The following CDAN1 variants were observed in gnomAD, a reference collection of about 807,000 sequenced individuals.
CDAN1 encodes the protein codanin 1, also known as codanin-1.
A neutral mutation model predicts 139.8 loss-of-function variants in CDAN1; 107 were observed. The observed-to-expected ratio is 0.77, with a 90% confidence interval of 0.65 to 0.90. CDAN1 has a LOEUF of 0.90. Among genes scored for constraint, CDAN1 ranks in the 40% least tolerant of loss-of-function variants. The probability of loss-of-function intolerance (pLI) is 0.00; values close to 1 mark genes in which losing one functional copy is unlikely to be tolerated. For synonymous variants in CDAN1, 776 were observed against 660.6 expected, an observed-to-expected ratio of 1.17 and a Z score of -2.68; for missense variants, 1,667 against 1,575.7, an observed-to-expected ratio of 1.06 and a Z score of -0.98.
Position 42,736,454 on chromosome 15 carries a change from C to T in CDAN1, c.417G>A (p.Gly139=). ...RERGGRGLEE[G]VSGESLPGAG... ...CTCCGGGCAGGCTCTCCCCGCTGAC[C>T]CCCTCCTCCAGGCCGCGGCCTCCAC... Residue 139 remains glycine (G), a synonymous_variant, in exon 2 of 28, where the codon GGG becomes GGA. Coordinates refer to ENST00000356231, the MANE Select transcript of CDAN1 (RefSeq NM_138477.4). 6.4e-7 allele frequency: 1 copy of T among 1,561,176 alleles called. No individual in the cohort carries two copies. Among genetic ancestry groups the T allele is most frequent in the South Asian group, 1.2e-5 (1 of 86,084 alleles).
chr15:42,724,420 A>G lies in CDAN1; in HGVS notation c.*71T>C, dbSNP rs1420951181. The G allele has an allele frequency of 6.5e-7, 1 of 1,543,710 alleles. No homozygotes were observed. The highest frequency in any genetic ancestry group is 2.4e-5 in the East Asian group (1 of 41,032). On this transcript the variant is annotated 3_prime_UTR_variant, in exon 28 of 28. Transcript: ENST00000356231. Reference sequence around the variant, plus strand: ...CAACCAGTGAGGGTCTGCATTGGGCACTTGGGCCTCCTCGTGAGGCGGGGG... The same window carrying G: ...CAACCAGTGAGGGTCTGCATTGGGCGCTTGGGCCTCCTCGTGAGGCGGGGG...
intron 23 of CDAN1, among the ~76,000 whole-genome samples, chr15:42,727,407 G>T (rs2061542831): frequency 6.6e-6 from 1 of 152,180 alleles, no homozygotes; most frequent in Non-Finnish European, 1.5e-5. Context: ...TCCCCTTTTG[G>T]ATGATTAAAA....
chr15:42,735,350 A>G lies in CDAN1; in HGVS notation c.968T>C (p.Leu323Ser). ...GAGCTGAAAGACGAAGAAAAGCTCCAAGAAGAGGTTTGGTACCAGGTTCTC... is the reference window on the plus strand; with the variant it reads ...GAGCTGAAAGACGAAGAAAAGCTCCGAGAAGAGGTTTGGTACCAGGTTCTC... ...IAENLVPNLF[L>S]ELFFVFQLLT... is the part of the protein sequence containing the mutation. The change falls in exon 5 of 28, where the codon TTG becomes TCG. Residue 323 changes from leucine (L) to serine (S), a missense_variant. By Grantham distance (145) the Leu-to-Ser change is moderately radical. Around this residue, in one of 3 missense-constraint regions of CDAN1, gnomAD observed 244 missense variants for 309.4 expected, o/e 0.79. Transcript: ENST00000356231. 6.2e-7 allele frequency: 1 copy of G among 1,608,282 alleles called. No homozygotes were observed. The highest frequency in any genetic ancestry group is 1.1e-5 in the South Asian group (1 of 89,752).
chr15:42,724,429 T>G lies in CDAN1; in HGVS notation c.*62A>C. 17 of 1,551,362 alleles carry G rather than the reference T, an allele frequency of 1.1e-5. No individual in the cohort carries two copies. Among genetic ancestry groups the G allele is most frequent in the Non-Finnish European group, 1.4e-5 (16 of 1,148,358 alleles). On this transcript the variant is annotated 3_prime_UTR_variant, in exon 28 of 28. Coordinates refer to ENST00000356231, the MANE Select transcript of CDAN1 (RefSeq NM_138477.4). The stretch of plus-strand genomic sequence containing the variant: ...AGGGTCTGCATTGGGCACTTGGGCC[T>G]CCTCGTGAGGCGGGGGTCCAGGGTT...
intron 25 of CDAN1, 27 bp downstream of exon 25, chr15:42,726,070 G>A (rs1340634331): frequency 1.1e-5 from 17 of 1,607,352 alleles, no homozygotes; most frequent in Non-Finnish European, 1.4e-5. Context: ...TCAGGCAAGA[G>A]AGGGATTTGA....
chr15:42,728,258 T>A lies in CDAN1; in HGVS notation c.2814A>T (p.Gln938His), dbSNP rs1356474915. 1.2e-6 allele frequency: 2 copies of A among 1,613,934 alleles called. No individual in the cohort carries two copies. The highest frequency in any genetic ancestry group is 1.3e-5 in the African/African-American group (1 of 75,036). ...CCCGCACAGCCCCAGGGCTCTTCCTTTGACAGAACCTAAAAGGGGACAGAT... is the reference window on the plus strand; with the variant it reads ...CCCGCACAGCCCCAGGGCTCTTCCTATGACAGAACCTAAAAGGGGACAGAT... ...QALALGREFCQRKSPGAVRAL... is the reference protein window; with the variant it reads ...QALALGREFCHRKSPGAVRAL... Residue 938 changes from glutamine (Q) to histidine (H), a missense_variant, in exon 21 of 28, where the codon CAA (glutamine) becomes CAT (histidine). Gln to His is a conservative substitution (Grantham distance 24, BLOSUM62 0). Coordinates refer to ENST00000356231, the MANE Select transcript of CDAN1 (RefSeq NM_138477.4).
At chr15:42,732,556 A>G (rs575903475) in intron 9 of CDAN1, 148 bp from the exon 10 acceptor site, 2 of 727,946 alleles carry the variant, frequency 2.7e-6, no homozygotes, top group South Asian at 1.5e-5. Context: ...GGGACACTGA[A>G]GGCAAGGGAC....
chr15:42,729,923 C>CGCG, intron 15 of CDAN1, 38 bp from the exon 16 acceptor site: 1 of 1,519,254 alleles, frequency 6.6e-7, no homozygotes. Flanking sequence ...ACTTCAGAGA[C>CGCG]CCCCACCCAA....
chr15:42,730,500 C>G, intron 14 of CDAN1, 98 bp downstream of exon 14: 1 of 1,402,370 alleles, frequency 7.1e-7, no homozygotes, highest in Non-Finnish European at 1.0e-6. Flanking sequence ...GCCCCACACG[C>G]ACAGTGCAGA....
intron 6 of CDAN1, 98 bp from the exon 7 acceptor site, chr15:42,734,444 A>C: frequency 6.8e-7 from 1 of 1,462,878 alleles, no homozygotes; most frequent in Non-Finnish European, 9.5e-7. Context: ...GGCATGGCGC[A>C]GGTATGCAAG....
At chr15:42,729,396 A>G in intron 17 of CDAN1, 34 bp from the exon 18 acceptor site, 1 of 1,613,708 alleles carries the variant, frequency 6.2e-7, no homozygotes, top group Non-Finnish European at 8.5e-7. Flanking sequence ...TCAGTTCCAG[A>G]ACCCTCTCCC....
chr15:42,735,575 G>T lies in CDAN1; in HGVS notation c.878C>A (p.Pro293His). 3 of 1,614,254 alleles carry T rather than the reference G, an allele frequency of 1.9e-6. No homozygotes were observed. Among genetic ancestry groups the T allele is most frequent in the Non-Finnish European group, 2.5e-6 (3 of 1,180,046 alleles). The part of the protein sequence containing the change: ...TGSLTDEPAD[P>H]ARVSSRQRLE... Reference sequence around the variant, plus strand: ...GCGCTGGCGGGAAGACACTCTGGCAGGGTCTGCAGGTTCATCTGTGAGGCT... The same window carrying T: ...GCGCTGGCGGGAAGACACTCTGGCATGGTCTGCAGGTTCATCTGTGAGGCT... Residue 293 changes from proline (P) to histidine (H), a missense_variant, in exon 4 of 28, where the codon CCT becomes CAT. Pro to His is a moderately conservative substitution (Grantham distance 77, BLOSUM62 -2). Coordinates refer to ENST00000356231, the MANE Select transcript of CDAN1 (RefSeq NM_138477.4).
At chr15:42,734,728 C>T (rs1329558145) in intron 6 of CDAN1, among the ~76,000 whole-genome samples, 1 of 151,804 alleles carries the variant, frequency 6.6e-6, no homozygotes, top group Non-Finnish European at 1.5e-5. Flanking sequence ...GATCCTTCCA[C>T]CTCAGCCTCC....
In CDAN1 at chr15:42,736,171, C is replaced by T. The variant is rs188826309; in HGVS notation, c.570-93G>A. The T allele has an allele frequency of 3.2e-6, 5 of 1,570,804 alleles. No homozygotes were observed. The South Asian group carries it at 5.7e-5, about 18-fold the overall frequency. On this transcript the variant is annotated intron_variant, in intron 2 of 27. Coordinates refer to ENST00000356231, the MANE Select transcript of CDAN1 (RefSeq NM_138477.4). Reference sequence around the variant, plus strand: ...CAGCTAGACCTCTTGCCAAAAAACCCCACAAAAACCCTCACCATCACCCCC... The same window carrying T: ...CAGCTAGACCTCTTGCCAAAAAACCTCACAAAAACCCTCACCATCACCCCC...
rs1303898698 is a variant in CDAN1, at chr15:42,728,829, G to C, written c.2646-19C>G. On this transcript the variant is annotated intron_variant, in intron 19 of 27. Transcript: ENST00000356231. ...TGTAGCCCTGCAGCAGGGACAGCAA[G>C]GTTGGGGATGGTTGGAGGGTTAATC... 3 of 1,613,998 alleles carry C rather than the reference G, an allele frequency of 1.9e-6. No individual in the cohort carries two copies. The highest frequency in any genetic ancestry group is 1.3e-5 in the African/African-American group (1 of 74,940).
chr15:42,727,711 A>G lies in CDAN1; in HGVS notation c.3006T>C (p.Pro1002=). ...TCCGCTCCCCCCGGGCAGCAGGTTC[A>G]GGACCCTGGGCTCGAAGTGTGCGAC... ...AVSRTLRAQG[P]EPAARGERRG... The change falls in exon 23 of 28, where the codon CCT becomes CCC. Residue 1002 remains proline (P), a synonymous_variant. Transcript: ENST00000356231. 6.3e-7 allele frequency: 1 copy of G among 1,586,274 alleles called. No individual in the cohort carries two copies.
In CDAN1 at chr15:42,728,796, G is replaced by T. The variant is rs375343604; in HGVS notation, c.2660C>A (p.Ala887Glu). ...CVKHIKATLV[A>E]DLVRQAESLL... ...TGACTCTGCCTGGCGCACCAGATCT[G>T]CCACCAGTGTAGCCCTGCAGCAGGG... Residue 887 changes from alanine (A) to glutamate (E), a missense_variant, in exon 20 of 28, where the codon GCA (alanine) becomes GAA (glutamate). This residue lies in a region of CDAN1 where 936 missense variants were observed against 844.1 expected (regional missense o/e 1.11). Coordinates refer to ENST00000356231, the MANE Select transcript of CDAN1 (RefSeq NM_138477.4). The T allele has an allele frequency of 9.5e-5, 153 of 1,614,172 alleles. 4 individuals are homozygous for T. The South Asian group carries it at 1.6e-3, about 17-fold the overall frequency.
chr15:42,729,034 G>GAC lies in CDAN1; in HGVS notation c.2632_2633dup (p.Lys879SerfsTer25), dbSNP rs773837362. 1 of 1,614,146 alleles carries GAC rather than the reference G, an allele frequency of 6.2e-7. No homozygotes were observed. Among genetic ancestry groups the GAC allele is most frequent in the Non-Finnish European group, 8.5e-7 (1 of 1,179,988 alleles). ...TAACCCACTCTTACTTGATATGTTT[G>GAC]ACACAGTTTGATCCAATTCTTTCTG... On this transcript the variant is annotated frameshift_variant, in exon 19 of 28. Coordinates refer to ENST00000356231, the MANE Select transcript of CDAN1 (RefSeq NM_138477.4). LOFTEE classifies it high-confidence loss of function.
intron 17 of CDAN1, 88 bp from the exon 18 acceptor site, chr15:42,729,450 A>G: frequency 6.2e-7 from 1 of 1,601,352 alleles, no homozygotes; most frequent in Non-Finnish European, 8.6e-7. Flanking sequence ...CAAGAGGCTC[A>G]GATACCCAGG....
Sources: gnomAD v4.1 joint callset for allele counts (sites outside exome capture counted in the v4.1 genomes callset) on GRCh38, gnomAD v4.1.1 for gene constraint, gnomAD v4.1.1 regional missense constraint, MANE v1.5 for transcripts, NCBI Gene and HGNC (gene_info 2026-07-23, HGNC 2026-07-21) for gene names.